KLK10: variants seen among roughly 807,000 people sequenced by gnomAD.
The protein encoded by KLK10 is kallikrein related peptidase 10, also known as kallikrein-10.
Under a neutral mutation model 25.7 loss-of-function variants are expected in KLK10, and 27 were observed. The observed-to-expected ratio is 1.05, with a 90% confidence interval of 0.77 to 1.45. KLK10 has a LOEUF of 1.45. Among genes scored for constraint, KLK10 ranks in the 40% most tolerant of loss-of-function variants. KLK10 has a pLI of 0.00. For synonymous variants in KLK10, 173 were observed against 160.1 expected, an observed-to-expected ratio of 1.08 and a Z score of -0.61; for missense variants, 386 against 370.0, an observed-to-expected ratio of 1.04 and a Z score of -0.35.
In KLK10 at chr19:51,015,532, AG is replaced by A. The variant is rs753752391; in HGVS notation, c.562del (p.Leu188Ter). ...AARRVKYNKG[L>X]TCSSITILSP... ...CAGGATAGTGATGCTGGAGCAGGTC[AG>A]GCCCTTGTTGTACTTCACTGAAGGG... On this transcript the variant is annotated frameshift_variant, in exon 5 of 6. Coordinates refer to ENST00000358789, the MANE Select transcript of KLK10 (RefSeq NM_145888.3). LOFTEE classifies it high-confidence loss of function. 2.5e-6 allele frequency: 4 copies of A among 1,613,918 alleles called. No homozygotes were observed. The East Asian group carries it at 6.7e-5, about 27-fold the overall frequency.
At chr19:51,015,310 A>G (rs1349602731) in intron 5 of KLK10, 107 bp downstream of exon 5, 31 of 1,303,854 alleles carry the variant, frequency 2.4e-5, no homozygotes, top group Non-Finnish European at 3.3e-5. Flanking sequence ...GGGGTCAAGG[A>G]TGGGTTTGGG....
chr19:51,015,836 C>T, intron 4 of KLK10, 46 bp downstream of exon 4: 2 of 1,456,662 alleles, frequency 1.4e-6, no homozygotes, highest in Non-Finnish European at 1.8e-6. Context: ...TTCAGGCCCT[C>T]AGCCCCCTCC....
intron 3 of KLK10, among the ~76,000 whole-genome samples, chr19:51,016,903 G>A (rs1466492515): frequency 6.6e-6 from 1 of 152,138 alleles, no homozygotes; most frequent in Non-Finnish European, 1.5e-5. Context: ...ATCAGCGGGA[G>A]AGGAGTGACG....
intron 5 of KLK10, 94 bp from the exon 6 acceptor site, chr19:51,015,046 G>A: frequency 1.7e-6 from 2 of 1,163,266 alleles, no homozygotes; most frequent in Non-Finnish European, 1.2e-6. Flanking sequence ...GAAGGAGTTG[G>A]GTTGGGATAA....
chr19:51,014,883 AG>A lies in KLK10; in HGVS notation c.747del (p.Cys250ValfsTer43). 6.2e-7 allele frequency: 1 copy of A among 1,614,012 alleles called. No homozygotes were observed. ...LQGILSWGVY[P>X]CGSAQHPAVY... ...ACAGCTGGATGCTGGGCAGAGCCAC[AG>A]GGGTAAACACCCCACGAGAGGATGC... On this transcript the variant is annotated frameshift_variant, in exon 6 of 6. Transcript: ENST00000358789. LOFTEE classifies it low-confidence loss of function (END_TRUNC).
Position 51,019,219 on chromosome 19 carries a change from C to G in KLK10, c.-9-80G>C, listed in dbSNP as rs1345288749. 1 of 981,948 alleles carries G rather than the reference C, an allele frequency of 1.0e-6. No homozygotes were observed. The highest frequency in any genetic ancestry group is 1.6e-5 in the African/African-American group (1 of 61,148). The allele number at this position is 981,948 out of a possible 1,614,324, so 60.8% of individuals were successfully genotyped here. On this transcript the variant is annotated intron_variant, in intron 1 of 5. Coordinates refer to ENST00000358789, the MANE Select transcript of KLK10 (RefSeq NM_145888.3). This position sits in a 1 kb window ranked among gnomAD's most constrained non-coding sequence, Gnocchi z 4.2. ...ACCTCGCCGCGCTCATCCGCCCAGC[C>G]TGGGCCACCCCAGCCCGCAAGCACC...
chr19:51,017,362 G>A, intron 2 of KLK10, 72 bp from the exon 3 acceptor site: 1 of 1,393,660 alleles, frequency 7.2e-7, no homozygotes, highest in Non-Finnish European at 9.6e-7. Context: ...GCTGGGCTGT[G>A]GCACTGGACT....
At chr19:51,015,336 C>T (rs977729570) in intron 5 of KLK10, 81 bp downstream of exon 5, 24 of 1,490,414 alleles carry the variant, frequency 1.6e-5, no homozygotes, top group East Asian at 2.3e-5. Flanking sequence ...AGTTGGGGAT[C>T]GGGCACAGGG....
At chr19:51,017,763 C>G (rs1045570859) in intron 2 of KLK10, among the ~76,000 whole-genome samples, 18 of 151,816 alleles carry the variant, frequency 1.2e-4, no homozygotes, top group Admixed American at 9.2e-4. Flanking sequence ...GCGGTTGGAC[C>G]GCTTGAGCTC....
Position 51,015,882 on chromosome 19 carries a change from C to A in KLK10, c.544G>T (p.Val182Leu). ...CCGGCCTCAGAGCCCCAGCTCTTGC[C>A]TCTCCGGGCGGCCGTGGTGCCCCAG... ...AGWGTTAARR[V>L]KYNKGLTCSS... Residue 182 changes from valine to leucine, a missense_variant and splice_region_variant, in exon 4 of 6, where the codon GTG becomes TTG. Physicochemically the swap from Val to Leu is conservative, Grantham distance 32 (BLOSUM62 1). Coordinates refer to ENST00000358789, the MANE Select transcript of KLK10 (RefSeq NM_145888.3). The A allele has an allele frequency of 6.5e-7, 1 of 1,540,176 alleles. No homozygotes were observed. Among genetic ancestry groups the A allele is most frequent in the Non-Finnish European group, 8.7e-7 (1 of 1,146,126 alleles).
intron 2 of KLK10, among the ~76,000 whole-genome samples, chr19:51,018,000 CAA>C (rs1162503837): frequency 0.17 from 4,453 of 26,814 alleles, 42 homozygotes; most frequent in Non-Finnish European, 0.19. Context: ...GACCCTGTCT[CAA>C]AAAAAAAAAA....
intron 2 of KLK10, 105 bp from the exon 3 acceptor site, chr19:51,017,395 GC>G: frequency 9.7e-7 from 1 of 1,028,246 alleles, no homozygotes; most frequent in Non-Finnish European, 1.4e-6. Flanking sequence ...GGGGGACGCA[GC>G]CAGAACGCGA....
intron 2 of KLK10, chr19:51,018,729 C>T: frequency 2.4e-6 from 1 of 422,520 alleles, no homozygotes; most frequent in Non-Finnish European, 4.4e-6. Flanking sequence ...CAAAACAAAA[C>T]ACGGTAGTGT....
intron 5 of KLK10, among the ~76,000 whole-genome samples, chr19:51,015,215 G>A (rs545708146): frequency 2.9e-4 from 44 of 151,996 alleles, no homozygotes; most frequent in African/African-American, 1.0e-3. Flanking sequence ...ATGAAAATGG[G>A]CTTGGAGATG....
chr19:51,015,509 G>A lies in KLK10; in HGVS notation c.586C>T (p.Leu196=), dbSNP rs776764334. 1 of 1,613,886 alleles carries A rather than the reference G, an allele frequency of 6.2e-7. No homozygotes were observed. The highest frequency in any genetic ancestry group is 1.1e-5 in the South Asian group (1 of 91,072). ...KGLTCSSITI[L]SPKECEVFYP... ...AAGACCTCACACTCTTTAGGGCTCA[G>A]GATAGTGATGCTGGAGCAGGTCAGG... The change falls in exon 5 of 6, where the codon CTG becomes TTG. Residue 196 remains leucine, a synonymous_variant. Coordinates refer to ENST00000358789, the MANE Select transcript of KLK10 (RefSeq NM_145888.3).
chr19:51,015,886 C>A lies in KLK10; in HGVS notation c.540G>T (p.Arg180=), dbSNP rs1255491413. 1 of 1,545,176 alleles carries A rather than the reference C, an allele frequency of 6.5e-7. No homozygotes were observed. Among genetic ancestry groups the A allele is most frequent in the Non-Finnish European group, 8.7e-7 (1 of 1,148,384 alleles). Reference sequence around the variant, plus strand: ...CCTCAGAGCCCCAGCTCTTGCCTCTCCGGGCGGCCGTGGTGCCCCAGCCAG... The same window carrying A: ...CCTCAGAGCCCCAGCTCTTGCCTCTACGGGCGGCCGTGGTGCCCCAGCCAG... The part of the protein sequence containing the change: ...QVAGWGTTAA[R]RVKYNKGLTC... The change falls in exon 4 of 6, where the codon CGG becomes CGT. Residue 180 remains arginine (R), a synonymous_variant. Transcript: ENST00000358789.
At position 51,017,049 on chromosome 19, in the gene KLK10, C is replaced by T. The variant is rs1240953277; in HGVS notation, c.269+61G>A. On this transcript the variant is annotated intron_variant, in intron 3 of 5. Transcript: ENST00000358789. ...TCCGAGAGACCCCGCCCTGCCCGCT[C>T]CTCCCTGGAGGCCGCCTCCACAGCC... 3.4e-6 allele frequency: 5 copies of T among 1,451,906 alleles called. No individual in the cohort carries two copies. The African/African-American group carries it at 7.1e-5, about 21-fold the overall frequency. 89.9% of individuals were successfully genotyped at this position (1,451,906 alleles called of 1,614,324 possible).
intron 2 of KLK10, 144 bp from the exon 3 acceptor site, chr19:51,017,434 G>T: frequency 1.4e-6 from 1 of 718,954 alleles, no homozygotes; most frequent in South Asian, 1.9e-5. Flanking sequence ...TGGGGGTTTC[G>T]CGTGCACCGA....
chr19:51,018,000 C>CAAAAAAAAAA (rs1162503837), intron 2 of KLK10, among the ~76,000 whole-genome samples: 4 of 28,132 alleles, frequency 1.4e-4, no homozygotes, highest in Non-Finnish European at 1.8e-4. Flanking sequence ...GACCCTGTCT[C>CAAAAAAAAAA]AAAAAAAAAA....
Sources: allele counts gnomAD v4.1 joint callset (sites outside exome capture counted in the v4.1 genomes callset), GRCh38; gene constraint gnomAD v4.1.1; non-coding constraint Gnocchi (gnomAD v3.1); transcripts MANE v1.5; gene names NCBI Gene and HGNC (gene_info 2026-07-23, HGNC 2026-07-21).